The following AHCTF1 variants were observed in gnomAD, a reference collection of about 807,000 sequenced individuals.
AHCTF1 encodes the protein AT-hook containing transcription factor 1.
AHCTF1 carries 24 observed loss-of-function variants against 248.4 expected under a neutral mutation model. That is an observed-to-expected ratio of 0.10 (90% CI 0.07 to 0.14). The LOEUF is 0.14. Ranked by LOEUF, AHCTF1 falls within the 10% of genes least tolerant of loss-of-function variation. The pLI is 1.00. For missense variants in AHCTF1, 2,206 were observed against 2,636.2 expected (o/e 0.84, Z 3.57); for synonymous variants, 786 against 929.8 (o/e 0.85, Z 2.81).
In AHCTF1 at chr1:246,900,435, G is replaced by C; in HGVS notation, c.1152C>G (p.Thr384=). ...CCTGTCCATATATATTCACCTGCCA[G>C]GTAAAGACTGAAACACTAGTGTCAG... ...LSPDTSVSVF[T]WQVNIYGQGK... The change falls in exon 9 of 36, where the codon ACC becomes ACG. Residue 384 remains threonine, a synonymous_variant. Coordinates refer to ENST00000648844, the MANE Select transcript of AHCTF1 (RefSeq NM_001323342.2). 1.3e-6 allele frequency: 2 copies of C among 1,595,096 alleles called. No homozygotes were observed.
intron 24 of AHCTF1, among the ~76,000 whole-genome samples, chr1:246,869,028 T>G (rs199732006): frequency 2.6e-5 from 4 of 151,370 alleles, no homozygotes; most frequent in African/African-American, 9.8e-5. Context: ...CTATTTTTAG[T>G]AGAGACGGGG....
chr1:246,869,080 G>A (rs190276696), intron 24 of AHCTF1, among the ~76,000 whole-genome samples: 2,631 of 150,702 alleles, frequency 0.017, 84 homozygotes, highest in African/African-American at 0.057. Flanking sequence ...TCCTGACCTC[G>A]TGATCCGCCC....
At chr1:246,930,159 C>G (rs1165603800) in intron 1 of AHCTF1, among the ~76,000 whole-genome samples, 1 of 152,012 alleles carries the variant, frequency 6.6e-6, no homozygotes, top group Non-Finnish European at 1.5e-5. Context: ...ATTTTAGCAA[C>G]AGGTTCTCGC....
At chr1:246,928,234 C>T (rs574820623) in intron 1 of AHCTF1, among the ~76,000 whole-genome samples, 51 of 147,400 alleles carry the variant, frequency 3.5e-4, no homozygotes, top group Non-Finnish European at 6.2e-4. Context: ...ACCCGGGAGG[C>T]GGACCTGGCA....
intron 4 of AHCTF1, 91 bp from the exon 5 acceptor site, chr1:246,907,849 T>C: frequency 9.4e-7 from 1 of 1,064,186 alleles, no homozygotes; most frequent in Non-Finnish European, 1.4e-6. Context: ...GCAAATGAAG[T>C]CAACTGAGTT....
chr1:246,841,945 C>T (rs969468537), intron 35 of AHCTF1, among the ~76,000 whole-genome samples: 3 of 147,320 alleles, frequency 2.0e-5, no homozygotes, highest in African/African-American at 7.7e-5. Flanking sequence ...CCCACCACCA[C>T]GCCCAGCTAA....
Position 246,853,118 on chromosome 1 carries a change from G to A in AHCTF1, c.4536C>T (p.Asp1512=). The A allele has an allele frequency of 6.2e-7, 1 of 1,609,672 alleles. No homozygotes were observed. The highest frequency in any genetic ancestry group is 1.7e-4 in the Middle Eastern group (1 of 6,016). The change falls in exon 32 of 36, where the codon GAC becomes GAT. Residue 1512 remains aspartate (D), a synonymous_variant. Transcript: ENST00000648844. ...DLPEEKLPIS[D]SPPDTQEIHV... ...GAATTTCTTGAGTATCAGGAGGGCT[G>A]TCAGAAATTGGAAGCTTTTCTTCTG...
chr1:246,853,400 T>C (rs1037669923), intron 31 of AHCTF1, 101 bp from the exon 32 acceptor site: 3 of 897,276 alleles, frequency 3.3e-6, no homozygotes, highest in African/African-American at 1.7e-5. Context: ...ACTTGAATAG[T>C]GTATTAATAA....
intron 1 of AHCTF1, among the ~76,000 whole-genome samples, chr1:246,921,871 G>C (rs763983669): frequency 6.6e-6 from 1 of 152,202 alleles, no homozygotes. Flanking sequence ...ATAGAGATCA[G>C]ATAGAAGGTC....
intron 24 of AHCTF1, among the ~76,000 whole-genome samples, chr1:246,872,881 TC>T (rs888988802): frequency 2.6e-5 from 4 of 152,162 alleles, no homozygotes; most frequent in African/African-American, 9.7e-5. Context: ...AACTTCTAGT[TC>T]CCACTGAGGT....
At chr1:246,869,075 A>C (rs559736321) in intron 24 of AHCTF1, among the ~76,000 whole-genome samples, 4 of 150,336 alleles carry the variant, frequency 2.7e-5, no homozygotes, top group African/African-American at 9.9e-5. Flanking sequence ...CGATCTCCTG[A>C]CCTCGTGATC....
chr1:246,911,275 G>T (rs1034703628), intron 4 of AHCTF1, among the ~76,000 whole-genome samples: 1 of 152,056 alleles, frequency 6.6e-6, no homozygotes, highest in African/African-American at 2.4e-5. Context: ...AATACACTAT[G>T]AAACAAAAGC....
chr1:246,867,820 T>A lies in AHCTF1; in HGVS notation c.3089-9A>T. On this transcript the variant is annotated splice_polypyrimidine_tract_variant and intron_variant, in intron 24 of 35. Coordinates refer to ENST00000648844, the MANE Select transcript of AHCTF1 (RefSeq NM_001323342.2). Reference sequence around the variant, plus strand: ...TGGTTTGGGTCTAGAAACTGTAAAATGAAGAACGCTGGAATTAAGTGCATC... The same window carrying A: ...TGGTTTGGGTCTAGAAACTGTAAAAAGAAGAACGCTGGAATTAAGTGCATC... The A allele has an allele frequency of 1.9e-6, 3 of 1,584,078 alleles. No individual in the cohort carries two copies. Among genetic ancestry groups the A allele is most frequent in the Non-Finnish European group, 2.6e-6 (3 of 1,167,726 alleles).
chr1:246,913,449 AAAGT>A (rs774006467), intron 3 of AHCTF1, 37 bp from the exon 4 acceptor site: 7 of 1,553,890 alleles, frequency 4.5e-6, no homozygotes, highest in Admixed American at 1.8e-5. Context: ...TTTCTTCTGC[AAAGT>A]AAGAAAATAT....
At chr1:246,878,719 A>G (rs1253435127) in intron 21 of AHCTF1, among the ~76,000 whole-genome samples, 2 of 152,228 alleles carry the variant, frequency 1.3e-5, no homozygotes, top group African/African-American at 2.4e-5. Flanking sequence ...ATACAAAGTT[A>G]CTTGGGGAAG....
chr1:246,919,703 C>CA (rs11396118), intron 1 of AHCTF1, among the ~76,000 whole-genome samples: 78,109 of 137,470 alleles, frequency 0.57, 22,249 homozygotes, highest in African/African-American at 0.71. Flanking sequence ...GACTCCATCT[C>CA]AAAAAAAAAA....
At position 246,894,741 on chromosome 1, in the gene AHCTF1, TGG is replaced by T. The variant is rs1219942359; in HGVS notation, c.1720_1721del (p.Pro574LysfsTer5). The T allele has an allele frequency of 6.2e-7, 1 of 1,613,634 alleles. No homozygotes were observed. The highest frequency in any genetic ancestry group is 8.5e-7 in the Non-Finnish European group (1 of 1,179,734). ...CAAAGCGCAAATTAGTGGCAGAATT[TGG>T]TTGTTCTTATTTGTAAATACAAAAG... is the stretch of plus-strand genomic sequence containing the variant. ...YIRRWITEEQPNSATNLRFVL... is the reference protein window; with the variant it reads ...YIRRWITEEQXNSATNLRFVL... On this transcript the variant is annotated frameshift_variant, in exon 14 of 36. Transcript: ENST00000648844. LOFTEE classifies it high-confidence loss of function.
intron 26 of AHCTF1, among the ~76,000 whole-genome samples, chr1:246,864,951 G>T (rs1458642326): frequency 6.7e-6 from 1 of 149,270 alleles, no homozygotes; most frequent in African/African-American, 2.4e-5. Context: ...AAGTCAATGA[G>T]TTTGGTGACA....
At chr1:246,896,997 G>C (rs1037118938) in intron 12 of AHCTF1, among the ~76,000 whole-genome samples, 1 of 152,164 alleles carries the variant, frequency 6.6e-6, no homozygotes, top group Non-Finnish European at 1.5e-5. Flanking sequence ...GTTTATAGAA[G>C]TTCTACCACA....
Sources: gnomAD v4.1 joint callset for allele counts (sites outside exome capture counted in the v4.1 genomes callset) on GRCh38, gnomAD v4.1.1 for gene constraint, MANE v1.5 for transcripts, NCBI Gene and HGNC (gene_info 2026-07-23, HGNC 2026-07-21) for gene names.